Variants in STAT1 observed in about 807,000 individuals in gnomAD.
STAT1 encodes the protein signal transducer and activator of transcription 1-alpha/beta.
Under a neutral mutation model 111.7 loss-of-function variants are expected in STAT1, and 24 were observed. The ratio of observed to expected loss-of-function variants is 0.21; its 90% confidence interval spans 0.16 to 0.30. The LOEUF is 0.30. Among genes scored for constraint, STAT1 ranks in the 10% least tolerant of loss-of-function variants. STAT1 has a pLI of 1.00. For missense variants in STAT1, 351 were observed against 911.9 expected, an observed-to-expected ratio of 0.38 and a Z score of 7.92; for synonymous variants, 332 against 326.5, an observed-to-expected ratio of 1.02 and a Z score of -0.18.
rs1201551712 is a variant in STAT1, at chr2:190,989,589, G to A, written c.1097+26C>T. 7.6e-7 allele frequency: 1 copy of A among 1,313,602 alleles called. No individual in the cohort carries two copies. The highest frequency in any genetic ancestry group is 1.9e-5 in the Admixed American group (1 of 53,266). The allele number at this position is 1,313,602 out of a possible 1,614,324, so 81.4% of individuals were successfully genotyped here. On this transcript the variant is annotated intron_variant, in intron 12 of 24. Coordinates refer to ENST00000361099, the MANE Select transcript of STAT1 (RefSeq NM_007315.4). The surrounding 1 kb of genome is among the most constrained non-coding windows in gnomAD (Gnocchi z 5.0). ...ATCAACATTTCAATAGTACATGTAT[G>A]TTATATAATGTTAAAGATATCTTAC...
intron 5 of STAT1, among the ~76,000 whole-genome samples, chr2:191,005,264 C>T (rs533399009): frequency 1.3e-5 from 2 of 152,156 alleles, no homozygotes; most frequent in Non-Finnish European, 2.9e-5. Flanking sequence ...TTCTAGTCCC[C>T]AAATGGGATT....
chr2:190,985,053 C>G (rs1559010605), intron 15 of STAT1, among the ~76,000 whole-genome samples: 1 of 152,240 alleles, frequency 6.6e-6, no homozygotes, highest in Non-Finnish European at 1.5e-5. Flanking sequence ...GGACTGCACA[C>G]TGTGTGTGCA....
Position 190,980,500 on chromosome 2 carries a change from G to T in STAT1, c.1632+120C>A. ...AAACAACTTGCCCGAGGGGCTCCTT[G>T]GCCAGAGAAGAACACGCCAAAATAA... is the stretch of plus-strand genomic sequence containing the variant. On this transcript the variant is annotated intron_variant, in intron 19 of 24. Coordinates refer to ENST00000361099, the MANE Select transcript of STAT1 (RefSeq NM_007315.4). The surrounding 1 kb of genome is among the most constrained non-coding windows in gnomAD (Gnocchi z 6.1). The T allele has an allele frequency of 1.7e-6, 2 of 1,204,128 alleles. No individual in the cohort carries two copies. Among genetic ancestry groups the T allele is most frequent in the Non-Finnish European group, 2.5e-6 (2 of 810,828 alleles). 74.6% of individuals were successfully genotyped at this position (1,204,128 alleles called of 1,614,324 possible).
intron 3 of STAT1, among the ~76,000 whole-genome samples, chr2:191,009,629 T>C (rs756128377): frequency 1.1e-4 from 16 of 152,338 alleles, no homozygotes; most frequent in Middle Eastern, 3.4e-3. Flanking sequence ...TTTAGGAATA[T>C]CTATCATAAA....
At position 190,984,122 on chromosome 2, in the gene STAT1, T is replaced by C. The variant is rs1692597553; in HGVS notation, c.1347+188A>G. Reference sequence around the variant, plus strand: ...AACTGGAACTTTTAAGTTATTGAATTTGAAGGTTAATTCAATTGTCTAGCT... The same window carrying C: ...AACTGGAACTTTTAAGTTATTGAATCTGAAGGTTAATTCAATTGTCTAGCT... On this transcript the variant is annotated intron_variant, in intron 16 of 24. Coordinates refer to ENST00000361099, the MANE Select transcript of STAT1 (RefSeq NM_007315.4). The surrounding 1 kb of genome is among the most constrained non-coding windows in gnomAD (Gnocchi z 5.2). Among the ~76,000 whole-genome samples, 2 of 152,198 alleles carry C rather than the reference T, an allele frequency of 1.3e-5. No individual in the cohort carries two copies.
chr2:190,991,701 GT>G (rs765208223), intron 10 of STAT1, among the ~76,000 whole-genome samples: 84 of 122,796 alleles, frequency 6.8e-4, no homozygotes, highest in East Asian at 6.6e-4. Context: ...TTTACAATTT[GT>G]TTTTTTTTTT....
rs1042714558 is a variant in STAT1, at chr2:191,000,823, T to G, written c.462+251A>C. Among the ~76,000 whole-genome samples the G allele has an allele frequency of 2.0e-5, 3 of 152,326 alleles. No individual in the cohort carries two copies. The highest frequency in any genetic ancestry group is 7.2e-5 in the African/African-American group (3 of 41,582). ...CTGGGTACTGGGCAAAGTCAACATT[T>G]ACTGCATGATCTTTCAGGGAAGAAA... On this transcript the variant is annotated intron_variant, in intron 6 of 24. Coordinates refer to ENST00000361099, the MANE Select transcript of STAT1 (RefSeq NM_007315.4). The surrounding 1 kb of genome is among the most constrained non-coding windows in gnomAD (Gnocchi z 4.8).
rs1215547252 is a variant in STAT1 at position 190,980,180 on chromosome 2, C to G, written c.1633-314G>C. 6.6e-6 allele frequency among the ~76,000 whole-genome samples: 1 copy of G among 152,230 alleles called. No individual in the cohort carries two copies. Among genetic ancestry groups the G allele is most frequent in the Non-Finnish European group, 1.5e-5 (1 of 68,040 alleles). ...GGAAACACAAGCTGCCCCACACTAG[C>G]AAAATCCAGCAGTGCAAGCTGGTCC... On this transcript the variant is annotated intron_variant, in intron 19 of 24. Transcript: ENST00000361099. This position sits in a 1 kb window ranked among gnomAD's most constrained non-coding sequence, Gnocchi z 6.1.
Position 191,013,691 on chromosome 2 carries a change from G to A in STAT1, c.-155-13C>T, listed in dbSNP as rs1461156013. The A allele has an allele frequency of 7.5e-6, 3 of 398,648 alleles. No individual in the cohort carries two copies. The highest frequency in any genetic ancestry group is 8.8e-5 in the Admixed American group (2 of 22,720). The allele number at this position is 398,648 out of a possible 1,614,324, so 24.7% of individuals were successfully genotyped here. On this transcript the variant is annotated splice_polypyrimidine_tract_variant and intron_variant, in intron 1 of 24. Transcript: ENST00000361099. ...CAAATGAAACTTTCTGCGAAAAGAAGAAAACGTGACTGATGGAAAGGGGTG... is the reference window on the plus strand; with the variant it reads ...CAAATGAAACTTTCTGCGAAAAGAAAAAAACGTGACTGATGGAAAGGGGTG...
chr2:191,009,743 A>G, intron 3 of STAT1, 133 bp downstream of exon 3: 1 of 1,341,530 alleles, frequency 7.5e-7, no homozygotes, highest in Non-Finnish European at 1.1e-6. Context: ...TAAATCAACA[A>G]ACTTTTCTAC....
In STAT1 at chr2:190,994,635, T is replaced by C. The variant is rs114402021; in HGVS notation, c.944+426A>G. Among the ~76,000 whole-genome samples, 448 of 152,028 alleles carry C rather than the reference T, an allele frequency of 2.9e-3. 4 individuals are homozygous for C. The highest frequency in any genetic ancestry group is 6.4e-3 in the South Asian group (31 of 4,820). On this transcript the variant is annotated intron_variant, in intron 10 of 24. Transcript: ENST00000361099. ...GGAAGAGTCATTGTCATTAAAAAAT[T>C]TGAGGCCAGGCACAGTGGCTCACGC...
intron 12 of STAT1, among the ~76,000 whole-genome samples, chr2:190,988,569 G>A (rs146401820): frequency 0.01 from 1,571 of 152,158 alleles, 33 homozygotes; most frequent in African/African-American, 0.035. Context: ...TCGTAGAGAC[G>A]GGGTTTCGCC....
rs1344136996 is a variant in STAT1, at chr2:190,999,603, C to T, written c.541+23G>A. 3 of 1,582,242 alleles carry T rather than the reference C, an allele frequency of 1.9e-6. No homozygotes were observed. The highest frequency in any genetic ancestry group is 1.1e-5 in the South Asian group (1 of 90,426). On this transcript the variant is annotated intron_variant, in intron 7 of 24. Transcript: ENST00000361099. This position sits in a 1 kb window ranked among gnomAD's most constrained non-coding sequence, Gnocchi z 4.1. ...CAGAAAAAATTGCAGCCAACGGGCA[C>T]CACTTCAGTTGTGAACCCTTACCTC...
Position 191,002,809 on chromosome 2 carries a change from T to C in STAT1, c.373-1646A>G, listed in dbSNP as rs143956476. On this transcript the variant is annotated intron_variant, in intron 5 of 24. Transcript: ENST00000361099. ...TATATATTTTTTTGTGTTAAAGAGG[T>C]ACCCATCAATTCCTATCTTATTCAA... Among the ~76,000 whole-genome samples, 571 of 152,294 alleles carry C rather than the reference T, an allele frequency of 3.7e-3. 11 individuals are homozygous for C. The highest frequency in any genetic ancestry group is 0.013 in the African/African-American group (525 of 41,560).
rs745621249 is a variant in STAT1, at chr2:191,000,931, T to C, written c.462+143A>G. 1.4e-5 allele frequency: 10 copies of C among 701,870 alleles called. No individual in the cohort carries two copies. In the East Asian group the frequency reaches 1.9e-4, roughly 14 times the overall value. 43.5% of individuals were successfully genotyped at this position (701,870 alleles called of 1,614,324 possible). ...TTGATTTTGCCAATTTGTTTACTTA[T>C]AGCTTGAGACTTCTGCAAAATTTTT... is the stretch of plus-strand genomic sequence containing the variant. On this transcript the variant is annotated intron_variant, in intron 6 of 24. Transcript: ENST00000361099. This position sits in a 1 kb window ranked among gnomAD's most constrained non-coding sequence, Gnocchi z 4.8.
chr2:191,007,671 A>G lies in STAT1; in HGVS notation c.274-10T>C. The stretch of plus-strand genomic sequence containing the variant: ...CTTCCTGAAAATTATCCTAGATTTG[A>G]GTGGTTAGAACAAAAATAAATTAAA... On this transcript the variant is annotated splice_polypyrimidine_tract_variant and intron_variant, in intron 4 of 24. Transcript: ENST00000361099. The surrounding 1 kb of genome is among the most constrained non-coding windows in gnomAD (Gnocchi z 4.2). 1 of 1,576,788 alleles carries G rather than the reference A, an allele frequency of 6.3e-7. No individual in the cohort carries two copies. Among genetic ancestry groups the G allele is most frequent in the Non-Finnish European group, 8.7e-7 (1 of 1,146,496 alleles).
rs149819126 is a variant in STAT1, at chr2:190,975,019, T to C, written c.2136-87A>G. On this transcript the variant is annotated intron_variant, in intron 23 of 24. Transcript: ENST00000361099. This position sits in a 1 kb window ranked among gnomAD's most constrained non-coding sequence, Gnocchi z 5.9. ...ACTTACACACTTTATCTTTTGTCTG[T>C]AATTGAATTATCACGTTATATTTTT... 2.0e-6 allele frequency: 2 copies of C among 1,012,124 alleles called. No homozygotes were observed. The highest frequency in any genetic ancestry group is 3.1e-6 in the Non-Finnish European group (2 of 649,832). The allele number at this position is 1,012,124 out of a possible 1,614,324, so 62.7% of individuals were successfully genotyped here. A position where few individuals can be genotyped will look rare whatever the true frequency, so the allele number is the denominator to read the frequency against.
Position 191,003,229 on chromosome 2 carries a change from T to C in STAT1, c.373-2066A>G, listed in dbSNP as rs896517982. ...TCAGCTGTAAAGTGTGTATTAGAAA[T>C]ACATGAATGTTACTGGTATCCTCTG... On this transcript the variant is annotated intron_variant, in intron 5 of 24. Transcript: ENST00000361099. The surrounding 1 kb of genome is among the most constrained non-coding windows in gnomAD (Gnocchi z 4.0). Among the ~76,000 whole-genome samples the C allele has an allele frequency of 6.6e-6, 1 of 152,230 alleles. No homozygotes were observed. The highest frequency in any genetic ancestry group is 2.4e-5 in the African/African-American group (1 of 41,462).
intron 1 of STAT1, 112 bp downstream of exon 1, chr2:191,013,906 A>G: frequency 2.7e-6 from 1 of 368,442 alleles, no homozygotes; most frequent in Non-Finnish European, 4.8e-6. Context: ...TGGGATCACT[A>G]TTCGCGGGTC....
Sources: allele counts gnomAD v4.1 joint callset (sites outside exome capture counted in the v4.1 genomes callset), GRCh38; gene constraint gnomAD v4.1.1; non-coding constraint Gnocchi (gnomAD v3.1); transcripts MANE v1.5; gene names NCBI Gene and HGNC (gene_info 2026-07-23, HGNC 2026-07-21).